Variants in ARHGEF3 observed in about 807,000 individuals in gnomAD.
The protein encoded by ARHGEF3 is 59.8 kDA protein.
Under a neutral mutation model 63.2 loss-of-function variants are expected in ARHGEF3, and 28 were observed. The observed-to-expected ratio is 0.44, with a 90% CI of 0.33 to 0.61. ARHGEF3 has a LOEUF of 0.61. Ranked by LOEUF, ARHGEF3 falls within the 20% of genes least tolerant of loss-of-function variation. The pLI is 0.03. For synonymous variants in ARHGEF3, 266 were observed against 254.2 expected (o/e 1.05, Z -0.44); for missense variants, 533 against 659.3 (o/e 0.81, Z 2.10).
chr3:57,042,675 TATATATATATATATATATATATATA>T lies in ARHGEF3; in HGVS notation c.-27-7524_-27-7500del, dbSNP rs1306885327. ...AAATATATATATATATATATATATATATATATATATATATATATATATATATTTTTTTTTTTTTTTAGACGGAGTC... is the reference window on the plus strand; with the variant it reads ...AAATATATATATATATATATATATATTTTTTTTTTTTTTTTAGACGGAGTC... On this transcript the variant is annotated intron_variant, in intron 1 of 12. Transcript: ENST00000338458. Among the ~76,000 whole-genome samples, 162 of 41,234 alleles carry T rather than the reference TATATATATATATATATATATATATA, an allele frequency of 3.9e-3. 5 individuals are homozygous for T. The highest frequency in any genetic ancestry group is 0.013 in the African/African-American group (105 of 8,256). The allele number at this position is 41,234 out of a possible 152,430, so 27.1% of individuals were successfully genotyped here.
intron 1 of ARHGEF3, among the ~76,000 whole-genome samples, chr3:56,788,482 T>C (rs1488793867): frequency 6.6e-6 from 1 of 152,144 alleles, no homozygotes; most frequent in African/African-American, 2.4e-5. Context: ...GCATTAGGGG[T>C]CATTTTTTAG....
At chr3:56,896,597 T>C (rs748677948) in intron 3 of ARHGEF3, among the ~76,000 whole-genome samples, 2 of 152,262 alleles carry the variant, frequency 1.3e-5, no homozygotes, top group Non-Finnish European at 2.9e-5. Context: ...TTCTTGAGTC[T>C]CCTTGAATCT....
intron 3 of ARHGEF3, among the ~76,000 whole-genome samples, chr3:56,887,926 T>C (rs565770997): frequency 5.7e-4 from 87 of 152,328 alleles, no homozygotes; most frequent in Middle Eastern, 3.4e-3. Flanking sequence ...AGGAGGCCAG[T>C]GTTTTTGAGG....
intron 1 of ARHGEF3, among the ~76,000 whole-genome samples, chr3:57,037,335 C>A (rs543170477): frequency 6.6e-6 from 1 of 152,156 alleles, no homozygotes; most frequent in Non-Finnish European, 1.5e-5. Context: ...TACCTCATTT[C>A]GGCCTAGAAA....
At chr3:56,947,815 C>A (rs1699593085) in intron 3 of ARHGEF3, among the ~76,000 whole-genome samples, 1 of 152,326 alleles carries the variant, frequency 6.6e-6, no homozygotes, top group African/African-American at 2.4e-5. Context: ...CCCAAATCAA[C>A]AGAATATACA....
At chr3:56,910,039 C>T (rs945332538) in intron 3 of ARHGEF3, among the ~76,000 whole-genome samples, 7 of 152,084 alleles carry the variant, frequency 4.6e-5, no homozygotes, top group African/African-American at 1.2e-4. Flanking sequence ...AGCCAACTTG[C>T]GCACTTATAA....
At chr3:57,008,244 C>T (rs1404857019) in intron 2 of ARHGEF3, among the ~76,000 whole-genome samples, 6 of 152,166 alleles carry the variant, frequency 3.9e-5, no homozygotes, top group African/African-American at 1.4e-4. Flanking sequence ...CCAAGAATAG[C>T]CTTGTCTGGA....
At chr3:57,033,769 G>A (rs894339423) in intron 2 of ARHGEF3, among the ~76,000 whole-genome samples, 1 of 152,082 alleles carries the variant, frequency 6.6e-6, no homozygotes, top group African/African-American at 2.4e-5. Context: ...TTTAGGCTGG[G>A]CGCGGTGGCT....
intron 3 of ARHGEF3, among the ~76,000 whole-genome samples, chr3:56,952,199 A>T (rs556091290): frequency 3.4e-4 from 51 of 152,150 alleles, no homozygotes; most frequent in Admixed American, 7.9e-4. Flanking sequence ...AGTCAGAGAC[A>T]TCTGAAGCAT....
At chr3:56,935,433 C>G (rs544052112) in intron 3 of ARHGEF3, among the ~76,000 whole-genome samples, 73 of 152,268 alleles carry the variant, frequency 4.8e-4, no homozygotes, top group African/African-American at 1.7e-3. Flanking sequence ...CGCTGGGGTC[C>G]CCTTCCACAG....
At chr3:56,877,944 T>C (rs756213028) in intron 4 of ARHGEF3, among the ~76,000 whole-genome samples, 2 of 152,240 alleles carry the variant, frequency 1.3e-5, no homozygotes, top group African/African-American at 2.4e-5. Context: ...AATTAAAGGT[T>C]TGTATATAAT....
intron 1 of ARHGEF3, among the ~76,000 whole-genome samples, chr3:57,036,708 G>T (rs1703977513): frequency 6.6e-6 from 1 of 152,206 alleles, no homozygotes; most frequent in South Asian, 2.1e-4. Flanking sequence ...GAGGGATAGT[G>T]TATTGGTCTC....
At chr3:57,044,322 G>A (rs569649585) in intron 1 of ARHGEF3, among the ~76,000 whole-genome samples, 2 of 152,164 alleles carry the variant, frequency 1.3e-5, no homozygotes, top group African/African-American at 4.8e-5. Context: ...GGTCCACTTG[G>A]GGGGGTTGGC....
intron 3 of ARHGEF3, among the ~76,000 whole-genome samples, chr3:56,932,389 T>C (rs1214995226): frequency 3.3e-5 from 5 of 152,196 alleles, no homozygotes; most frequent in Non-Finnish European, 7.3e-5. Context: ...CTTTTTTTCA[T>C]AGCCCAAATT....
intron 4 of ARHGEF3, among the ~76,000 whole-genome samples, chr3:56,867,691 G>C: frequency 6.6e-6 from 1 of 151,980 alleles, no homozygotes; most frequent in East Asian, 1.9e-4. Context: ...GGTTGGTCTC[G>C]AGCTCCTGAG....
At chr3:56,985,757 C>A (rs1454742843) in intron 2 of ARHGEF3, among the ~76,000 whole-genome samples, 4 of 152,144 alleles carry the variant, frequency 2.6e-5, no homozygotes, top group Admixed American at 2.6e-4. Context: ...GGCACTGGGC[C>A]CTGGCCAGAA....
intron 2 of ARHGEF3, 140 bp downstream of exon 2, chr3:56,773,569 C>T: frequency 3.0e-6 from 2 of 668,380 alleles, no homozygotes; most frequent in South Asian, 5.3e-5. Context: ...TCCTCCAAGT[C>T]CCCTCACTTG....
intron 3 of ARHGEF3, among the ~76,000 whole-genome samples, chr3:56,928,640 G>A (rs2042336354): frequency 6.6e-6 from 1 of 152,124 alleles, no homozygotes; most frequent in Non-Finnish European, 1.5e-5. Flanking sequence ...CTTAGCCTTT[G>A]CCCAAATCTC....
At chr3:56,984,496 T>A (rs1002129582) in intron 2 of ARHGEF3, among the ~76,000 whole-genome samples, 2 of 152,096 alleles carry the variant, frequency 1.3e-5, no homozygotes, top group Admixed American at 6.6e-5. Flanking sequence ...GATTTGCCCT[T>A]GTCATGAGGC....
Sources: allele counts gnomAD v4.1 joint callset (sites outside exome capture counted in the v4.1 genomes callset), GRCh38; gene constraint gnomAD v4.1.1; transcripts MANE v1.5; gene names NCBI Gene and HGNC (gene_info 2026-07-23, HGNC 2026-07-21).